ATP11A: variants seen among roughly 807,000 people sequenced by gnomAD.
ATP11A encodes ATPase phospholipid transporting 11A.
Under a neutral mutation model 154.4 loss-of-function variants are expected in ATP11A, and 81 were observed. The ratio of observed to expected loss-of-function variants is 0.52; its 90% CI spans 0.44 to 0.63. The LOEUF (loss-of-function observed/expected upper bound fraction) is 0.63, where lower values mean the gene tolerates loss of function less well. Among genes scored for constraint, ATP11A ranks in the 30% least tolerant of loss-of-function variants. The probability of loss-of-function intolerance (pLI) is 0.00; values close to 1 mark genes in which losing one functional copy is unlikely to be tolerated. For synonymous variants in ATP11A, 623 were observed against 585.9 expected, an observed-to-expected ratio of 1.06 and a Z score of -0.91; for missense variants, 1,316 against 1,474.3, an observed-to-expected ratio of 0.89 and a Z score of 1.76.
In ATP11A at chr13:112,767,332, G is replaced by A. The variant is rs866732782; in HGVS notation, c.40-17803G>A. Among the ~76,000 whole-genome samples, 49 of 8,286 alleles carry A rather than the reference G, an allele frequency of 5.9e-3. 2 individuals carry two copies. The highest frequency in any genetic ancestry group is 0.025 in the African/African-American group (45 of 1,798). The allele number at this position is 8,286 out of a possible 152,430, so 5.4% of individuals were successfully genotyped here. A position where few individuals can be genotyped will look rare whatever the true frequency, so the allele number is the denominator to read the frequency against. On this transcript the variant is annotated intron_variant, in intron 1 of 29. Coordinates refer to ENST00000375645, the MANE Select transcript of ATP11A (RefSeq NM_015205.3). ...GTGGGGGCGTTGGGGGCCCCTGTGG[G>A]AAGGTGGGGAGGATGTGGGGGCGTT...
intron 13 of ATP11A, 113 bp from the exon 14 acceptor site, chr13:112,832,747 G>C (rs533621643): frequency 2.3e-6 from 3 of 1,282,566 alleles, no homozygotes; most frequent in Non-Finnish European, 3.3e-6. Context: ...AGCTGCCTTC[G>C]TGGCCGCGGG....
intron 1 of ATP11A, among the ~76,000 whole-genome samples, chr13:112,733,625 A>G (rs891260231): frequency 3.3e-5 from 5 of 152,260 alleles, no homozygotes; most frequent in African/African-American, 1.2e-4. Context: ...GGCCCACATT[A>G]TCACATTAAA....
At chr13:112,786,723 A>T (rs1182813058) in intron 2 of ATP11A, among the ~76,000 whole-genome samples, 1 of 151,286 alleles carries the variant, frequency 6.6e-6, no homozygotes, top group Non-Finnish European at 1.5e-5. Context: ...GATGAGCTAA[A>T]CCCACGCACA....
At chr13:112,809,681 G>C (rs1477702591) in intron 4 of ATP11A, among the ~76,000 whole-genome samples, 2 of 152,182 alleles carry the variant, frequency 1.3e-5, no homozygotes, top group Non-Finnish European at 2.9e-5. Context: ...ACGCCCATAG[G>C]CCCCTGGTGT....
At chr13:112,722,989 G>A (rs1462726365) in intron 1 of ATP11A, among the ~76,000 whole-genome samples, 1 of 152,046 alleles carries the variant, frequency 6.6e-6, no homozygotes, top group Non-Finnish European at 1.5e-5. Flanking sequence ...TTGATTAAAG[G>A]AGTAAGGTTC....
intron 1 of ATP11A, among the ~76,000 whole-genome samples, chr13:112,692,244 G>T (rs1885284143): frequency 6.6e-6 from 1 of 152,134 alleles, no homozygotes; most frequent in Non-Finnish European, 1.5e-5. Context: ...CACTTTGCCC[G>T]CGGTGTTCCC....
intron 1 of ATP11A, among the ~76,000 whole-genome samples, chr13:112,708,800 A>G (rs1276259125): frequency 1.3e-5 from 2 of 152,174 alleles, no homozygotes; most frequent in African/African-American, 4.8e-5. Context: ...TCGTCTTCCA[A>G]CGAGTGGCTC....
intron 1 of ATP11A, among the ~76,000 whole-genome samples, chr13:112,705,769 C>T (rs1055569415): frequency 2.6e-5 from 4 of 152,042 alleles, no homozygotes; most frequent in African/African-American, 9.7e-5. Flanking sequence ...TATTATACGG[C>T]CAAAGGAGGA....
rs181716704 is a variant in ATP11A, at chr13:112,810,508, C to T, written c.334-111C>T. 15 of 880,862 alleles carry T rather than the reference C, an allele frequency of 1.7e-5. No homozygotes were observed. The East Asian group carries it at 3.7e-4, about 22-fold the overall frequency. 54.6% of individuals were successfully genotyped at this position (880,862 alleles called of 1,614,324 possible). A position where few individuals can be genotyped will look rare whatever the true frequency, so the allele number is the denominator to read the frequency against. Reference sequence around the variant, plus strand: ...ATGCTGAAAAATACACCCCCACAGGCTTGGATTATGCTTAGACATAATTAA... The same window carrying T: ...ATGCTGAAAAATACACCCCCACAGGTTTGGATTATGCTTAGACATAATTAA... On this transcript the variant is annotated intron_variant, in intron 4 of 29. Coordinates refer to ENST00000375645, the MANE Select transcript of ATP11A (RefSeq NM_015205.3).
chr13:112,881,353 G>C, intron 29 of ATP11A: 1 of 1,023,678 alleles, frequency 9.8e-7, no homozygotes, highest in South Asian at 3.9e-5. Context: ...AGCTGGGCAC[G>C]TCCAGTACTA....
In ATP11A at chr13:112,785,526, G is replaced by T. The variant is rs2140030788; in HGVS notation, c.162+269G>T. Among the ~76,000 whole-genome samples, 1 of 152,208 alleles carries T rather than the reference G, an allele frequency of 6.6e-6. No individual in the cohort carries two copies. Among genetic ancestry groups the T allele is most frequent in the South Asian group, 2.1e-4 (1 of 4,808 alleles). On this transcript the variant is annotated intron_variant, in intron 2 of 29. Coordinates refer to ENST00000375645, the MANE Select transcript of ATP11A (RefSeq NM_015205.3). The surrounding 1 kb of genome is among the most constrained non-coding windows in gnomAD (Gnocchi z 4.8). The stretch of plus-strand genomic sequence containing the variant: ...TGACCGTGCCACAGAGGCAGTGCAG[G>T]TCTGAAGTCCAGGATCCAAACCCTA...
intron 14 of ATP11A, among the ~76,000 whole-genome samples, chr13:112,833,456 C>T (rs72660047): frequency 0.028 from 4,332 of 152,254 alleles, 88 homozygotes; most frequent in Middle Eastern, 0.071. Context: ...GACCTCTCAC[C>T]GCCCACCCTT....
At position 112,875,173 on chromosome 13, in the gene ATP11A, T is replaced by A. The variant is rs1400153817; in HGVS notation, c.3162-603T>A. Among the ~76,000 whole-genome samples the A allele has an allele frequency of 5.9e-5, 9 of 152,184 alleles. No homozygotes were observed. Among genetic ancestry groups the A allele is most frequent in the African/African-American group, 2.2e-4 (9 of 41,428 alleles). ...GTCCACACACCAGTTTCACTGTGCT[T>A]CCTGGAGCTGGGGCCCTATCTCTGT... On this transcript the variant is annotated intron_variant, in intron 27 of 29. Transcript: ENST00000375645. This position sits in a 1 kb window ranked among gnomAD's most constrained non-coding sequence, Gnocchi z 4.1.
At chr13:112,764,659 A>G (rs566402528) in intron 1 of ATP11A, among the ~76,000 whole-genome samples, 1 of 152,350 alleles carries the variant, frequency 6.6e-6, no homozygotes, top group South Asian at 2.1e-4. Flanking sequence ...TGCCCCCTGC[A>G]TCAGGCTGTG....
chr13:112,791,879 G>C (rs979591965), intron 2 of ATP11A, among the ~76,000 whole-genome samples: 1 of 152,162 alleles, frequency 6.6e-6, no homozygotes. Context: ...TTGAGAAGCC[G>C]TAAGTCTCCT....
Position 112,832,841 on chromosome 13 carries a change from G to T in ATP11A, c.1396-19G>T, listed in dbSNP as rs200893777. 4 of 1,609,428 alleles carry T rather than the reference G, an allele frequency of 2.5e-6. No homozygotes were observed. The East Asian group carries it at 8.9e-5, about 36-fold the overall frequency. On this transcript the variant is annotated intron_variant, in intron 13 of 29. Coordinates refer to ENST00000375645, the MANE Select transcript of ATP11A (RefSeq NM_015205.3). ...GGACGCACCGTGATTTGGGGGTTCT[G>T]GGAACTGCTTTTTTATAGGAGCGCG...
rs370484332 is a variant in ATP11A, at chr13:112,734,793, A to G, written c.39+44338A>G. Among the ~76,000 whole-genome samples, 128 of 152,276 alleles carry G rather than the reference A, an allele frequency of 8.4e-4. 1 individual carries two copies. The highest frequency in any genetic ancestry group is 1.6e-3 in the Non-Finnish European group (112 of 68,020). On this transcript the variant is annotated intron_variant, in intron 1 of 29. Transcript: ENST00000375645. Reference sequence around the variant, plus strand: ...ATAGCCGCACTTGGGGGGGATCACTATGGTGCCTGGTGGGGTGGCAGGTGC... The same window carrying G: ...ATAGCCGCACTTGGGGGGGATCACTGTGGTGCCTGGTGGGGTGGCAGGTGC...
At chr13:112,830,236 C>A (rs1311056185) in intron 12 of ATP11A, among the ~76,000 whole-genome samples, 1 of 152,180 alleles carries the variant, frequency 6.6e-6, no homozygotes, top group Non-Finnish European at 1.5e-5. Context: ...TAAACCAAAC[C>A]TCTTAACATT....
At chr13:112,862,043 G>GTCACAGCAGGCGTAAGGCA (rs2080122995) in intron 24 of ATP11A, among the ~76,000 whole-genome samples, 1 of 152,062 alleles carries the variant, frequency 6.6e-6, no homozygotes, top group Non-Finnish European at 1.5e-5. Flanking sequence ...GGCGTAAGGT[G>GTCACAGCAGGCGTAAGGCA]TCACAGCAGG....
Sources: gnomAD v4.1 joint callset for allele counts (sites outside exome capture counted in the v4.1 genomes callset) on GRCh38, gnomAD v4.1.1 for gene constraint, Gnocchi (gnomAD v3.1) non-coding constraint, MANE v1.5 for transcripts, NCBI Gene and HGNC (gene_info 2026-07-23, HGNC 2026-07-21) for gene names.